VEZT: variants seen among roughly 807,000 people sequenced by gnomAD.
VEZT encodes vezatin, adherens junctions transmembrane protein, also known as vezatin.
Under a neutral mutation model 79.9 loss-of-function variants are expected in VEZT, and 39 were observed. The ratio of observed to expected loss-of-function variants is 0.49; its 90% CI spans 0.38 to 0.64. The LOEUF (loss-of-function observed/expected upper bound fraction) is 0.64. Ranked by LOEUF, VEZT falls within the 30% of genes least tolerant of loss-of-function variation. The probability of loss-of-function intolerance (pLI) is 0.00; values close to 1 mark genes in which losing one functional copy is unlikely to be tolerated. For synonymous variants in VEZT, 325 were observed against 327.6 expected (o/e 0.99, Z 0.09); for missense variants, 837 against 893.1 (o/e 0.94, Z 0.80).
At chr12:95,251,683 CT>C (rs1344234919) in intron 1 of VEZT, among the ~76,000 whole-genome samples, 1 of 151,800 alleles carries the variant, frequency 6.6e-6, no homozygotes, top group Non-Finnish European at 1.5e-5. Flanking sequence ...TTTTTTCTTG[CT>C]GGTACTCACT....
intron 3 of VEZT, among the ~76,000 whole-genome samples, chr12:95,261,498 G>A (rs1025371425): frequency 6.6e-5 from 10 of 151,926 alleles, no homozygotes; most frequent in African/African-American, 1.9e-4. Flanking sequence ...TGCAACCTCC[G>A]CCTCCTGGGT....
intron 3 of VEZT, chr12:95,258,255 C>T (rs2063784048): frequency 2.2e-6 from 1 of 455,694 alleles, no homozygotes; most frequent in Admixed American, 2.4e-5. Context: ...GTGGAGCCAT[C>T]TCATTCTTCA....
intron 4 of VEZT, chr12:95,263,926 C>T (rs2065015077): frequency 6.6e-6 from 1 of 150,884 alleles, no homozygotes; most frequent in Non-Finnish European, 1.5e-5. Context: ...AAGTCCCAAG[C>T]AATAATCTGT....
At chr12:95,227,588 G>A in intron 1 of VEZT, among the ~76,000 whole-genome samples, 1 of 152,016 alleles carries the variant, frequency 6.6e-6, no homozygotes. Context: ...TGATCCATCC[G>A]CCTCGGCTTC....
At chr12:95,287,089 TTTC>T (rs1395396986) in intron 8 of VEZT, among the ~76,000 whole-genome samples, 15 of 152,342 alleles carry the variant, frequency 9.8e-5, no homozygotes, top group Admixed American at 4.6e-4. Flanking sequence ...GAGTTTAATT[TTTC>T]TTTTTGGCCC....
intron 7 of VEZT, among the ~76,000 whole-genome samples, chr12:95,276,229 TTTTG>T (rs1429839354): frequency 6.6e-6 from 1 of 151,614 alleles, no homozygotes; most frequent in African/African-American, 2.4e-5. Flanking sequence ...AACAAATTTT[TTTTG>T]TTTTTCTTTT....
intron 3 of VEZT, chr12:95,262,199 C>T (rs1456790744): frequency 6.6e-6 from 1 of 152,186 alleles, no homozygotes; most frequent in Non-Finnish European, 1.5e-5. Context: ...TCATCACACT[C>T]CTTTGCATGT....
At chr12:95,252,826 G>A (rs913353327) in intron 2 of VEZT, among the ~76,000 whole-genome samples, 8 of 152,308 alleles carry the variant, frequency 5.3e-5, no homozygotes, top group South Asian at 2.1e-4. Flanking sequence ...TTAGCTGGGC[G>A]TGGTGGCGGG....
chr12:95,253,801 G>A lies in VEZT; in HGVS notation c.168+1730G>A, dbSNP rs527707195. Among the ~76,000 whole-genome samples the A allele has an allele frequency of 3.9e-5, 6 of 152,160 alleles. No individual in the cohort carries two copies. In the East Asian group the frequency reaches 1.2e-3, roughly 29 times the overall value. On this transcript the variant is annotated intron_variant, in intron 2 of 11. Coordinates refer to ENST00000436874, the MANE Select transcript of VEZT (RefSeq NM_017599.4). ...ACAATAAAAAGCATAGCCAGAGGTT[G>A]TTTTAAAAAATTACCAGGCTGGGCA...
chr12:95,295,816 A>C (rs2074020347), intron 10 of VEZT, among the ~76,000 whole-genome samples: 1 of 152,232 alleles, frequency 6.6e-6, no homozygotes, highest in Non-Finnish European at 1.5e-5. Context: ...TGAAGTTGTT[A>C]AACTTTTTTT....
At chr12:95,287,191 T>C (rs1345526139) in intron 8 of VEZT, among the ~76,000 whole-genome samples, 1 of 152,290 alleles carries the variant, frequency 6.6e-6, no homozygotes, top group South Asian at 2.1e-4. Flanking sequence ...TGTCAAAGAA[T>C]ACATAACAAA....
At chr12:95,228,912 G>A (rs2058859210) in intron 1 of VEZT, among the ~76,000 whole-genome samples, 1 of 152,136 alleles carries the variant, frequency 6.6e-6, no homozygotes, top group Non-Finnish European at 1.5e-5. Flanking sequence ...TGAGGTGGGA[G>A]GATTGCTTGA....
intron 1 of VEZT, among the ~76,000 whole-genome samples, chr12:95,248,216 C>CA (rs2061979617): frequency 2.6e-5 from 4 of 152,012 alleles, no homozygotes; most frequent in African/African-American, 9.7e-5. Flanking sequence ...TGAAACCAGC[C>CA]AAAAAGTTAA....
Position 95,302,507 on chromosome 12 carries a change from C to T in VEZT, c.*1834C>T, listed in dbSNP as rs1325120551. On this transcript the variant is annotated 3_prime_UTR_variant, in exon 12 of 12. Coordinates refer to ENST00000436874, the MANE Select transcript of VEZT (RefSeq NM_017599.4). Reference sequence around the variant, plus strand: ...AAATTATGACATAAAGATCTTGCAGCTTTATTTGAGTATTTGTTCTTTTGT... The same window carrying T: ...AAATTATGACATAAAGATCTTGCAGTTTTATTTGAGTATTTGTTCTTTTGT... 1 of 152,024 alleles carries T rather than the reference C, an allele frequency of 6.6e-6. No individual in the cohort carries two copies. Among genetic ancestry groups the T allele is most frequent in the Non-Finnish European group, 1.5e-5 (1 of 67,982 alleles). 9.4% of individuals were successfully genotyped at this position (152,024 alleles called of 1,614,324 possible). A position where few individuals can be genotyped will look rare whatever the true frequency, so the allele number is the denominator to read the frequency against.
At chr12:95,218,645 C>T (rs1196614931) in intron 1 of VEZT, 1 of 152,250 alleles carries the variant, frequency 6.6e-6, no homozygotes, top group Non-Finnish European at 1.5e-5. Context: ...ATACGCTTTA[C>T]TTTCATTTAT....
In VEZT at chr12:95,262,952, A is replaced by T; in HGVS notation, c.305A>T (p.Glu102Val). 6.2e-7 allele frequency: 1 copy of T among 1,612,096 alleles called. No homozygotes were observed. The highest frequency in any genetic ancestry group is 8.5e-7 in the Non-Finnish European group (1 of 1,178,512). Residue 102 changes from glutamate (E) to valine (V), a missense_variant, in exon 4 of 12, where the codon GAA (glutamate) becomes GTA (valine). Coordinates refer to ENST00000436874, the MANE Select transcript of VEZT (RefSeq NM_017599.4). ...LDSLHTILQQ[E>V]VLLQEDVELI... ...TCATTACATACCATCCTGCAACAGG[A>T]AGTCCTGTTACAAGAGGATGTGGAG...
intron 6 of VEZT, among the ~76,000 whole-genome samples, chr12:95,273,926 T>C (rs927641086): frequency 2.0e-5 from 3 of 152,102 alleles, no homozygotes; most frequent in Middle Eastern, 3.4e-3. Flanking sequence ...AAAGGAAAAA[T>C]CATTATTGAT....
chr12:95,251,392 T>C (rs751731810), intron 1 of VEZT, among the ~76,000 whole-genome samples: 1 of 152,222 alleles, frequency 6.6e-6, no homozygotes. Flanking sequence ...ATGTAAGATA[T>C]AGCTTATCTA....
In VEZT at chr12:95,240,054, AAGGAAGGAAGGAAGGAAGG is replaced by A. The variant is rs1157571892; in HGVS notation, c.37-11884_37-11866del. Reference sequence around the variant, plus strand: ...GAAGGAAGGAAGGAAGGAAGGAAGGAAGGAAGGAAGGAAGGAAGGAAGAAAAGAAAGAGGAAAACAGAAA... The same window carrying A: ...GAAGGAAGGAAGGAAGGAAGGAAGGAAAGAAAAGAAAGAGGAAAACAGAAA... On this transcript the variant is annotated intron_variant, in intron 1 of 11. Transcript: ENST00000436874. Among the ~76,000 whole-genome samples, 150 of 138,826 alleles carry A rather than the reference AAGGAAGGAAGGAAGGAAGG, an allele frequency of 1.1e-3. 3 individuals carry two copies. The highest frequency in any genetic ancestry group is 3.3e-3 in the African/African-American group (119 of 35,526). The allele number at this position is 138,826 out of a possible 152,430, so 91.1% of individuals were successfully genotyped here.
Sources: allele counts gnomAD v4.1 joint callset (sites outside exome capture counted in the v4.1 genomes callset), GRCh38; gene constraint gnomAD v4.1.1; transcripts MANE v1.5; gene names NCBI Gene and HGNC (gene_info 2026-07-23, HGNC 2026-07-21).